The following HMCN1 variants were observed in gnomAD, a reference collection of about 807,000 sequenced individuals.
The protein encoded by HMCN1 is hemicentin-1.
Under a neutral mutation model 625.9 loss-of-function variants are expected in HMCN1, and 321 were observed. That is an observed-to-expected ratio of 0.51 (90% CI 0.47 to 0.56). The LOEUF is 0.56. Among genes scored for constraint, HMCN1 ranks in the 20% least tolerant of loss-of-function variants. HMCN1 has a pLI of 0.00. For synonymous variants in HMCN1, 2,425 were observed against 2,417.6 expected (o/e 1.00, Z -0.09); for missense variants, 6,588 against 6,887.3 (o/e 0.96, Z 1.54).
chr1:185,824,678 A>G (rs796729599), intron 1 of HMCN1, among the ~76,000 whole-genome samples: 5 of 152,250 alleles, frequency 3.3e-5, no homozygotes, highest in African/African-American at 1.2e-4. Context: ...GTATTACTTT[A>G]CATACTCTGT....
rs769982687 is a variant in HMCN1 at position 186,000,183 on chromosome 1, G to A, written c.4013G>A (p.Cys1338Tyr). Reference sequence around the variant, plus strand: ...CCCTATGACAATGGGGAGTACATCTGTGTGGCAGTCAATGAAGCTGGAACC... The same window carrying A: ...CCCTATGACAATGGGGAGTACATCTATGTGGCAGTCAATGAAGCTGGAACC... The part of the protein sequence containing the change: ...VTPYDNGEYI[C>Y]VAVNEAGTTE... The change falls in exon 26 of 107, where the codon TGT becomes TAT. Residue 1338 changes from cysteine to tyrosine, a missense_variant. Physicochemically the swap from Cys to Tyr is radical, Grantham distance 194. Around this residue, in one of 3 missense-constraint regions of HMCN1, gnomAD observed 4,628 missense variants for 4,853.1 expected, o/e 0.95. Transcript: ENST00000271588. 3.1e-6 allele frequency: 5 copies of A among 1,613,106 alleles called. No homozygotes were observed. The highest frequency in any genetic ancestry group is 1.7e-5 in the Admixed American group (1 of 59,864).
intron 1 of HMCN1, among the ~76,000 whole-genome samples, chr1:185,802,912 G>T (rs1476566763): frequency 6.6e-6 from 1 of 151,980 alleles, no homozygotes; most frequent in Non-Finnish European, 1.5e-5. Flanking sequence ...TTGTTTTTGT[G>T]TTTTATAAAT....
chr1:185,740,959 A>G (rs914505900), intron 1 of HMCN1, among the ~76,000 whole-genome samples: 1 of 152,174 alleles, frequency 6.6e-6, no homozygotes, highest in Non-Finnish European at 1.5e-5. Flanking sequence ...GGACCATTGC[A>G]CTCAAGCCTG....
In HMCN1 at chr1:186,187,919, G is replaced by A; in HGVS notation, c.16451G>A (p.Gly5484Glu). Reference protein sequence around the residue: ...DECLEQNVHCGPNRMCFNMRG... With the variant: ...DECLEQNVHCEPNRMCFNMRG... Reference sequence around the variant, plus strand: ...TGTCTGGAGCAGAATGTGCACTGTGGACCCAATCGCATGTGCTTCAACATG... The same window carrying A: ...TGTCTGGAGCAGAATGTGCACTGTGAACCCAATCGCATGTGCTTCAACATG... The change falls in exon 106 of 107, where the codon GGA (glycine) becomes GAA (glutamate). Residue 5484 changes from glycine to glutamate, a missense_variant. By Grantham distance (98) the Gly-to-Glu change is moderately conservative. Around this residue, in one of 3 missense-constraint regions of HMCN1, gnomAD observed 1,954 missense variants for 2,013.1 expected, o/e 0.97. Transcript: ENST00000271588. 1 of 1,613,806 alleles carries A rather than the reference G, an allele frequency of 6.2e-7. No homozygotes were observed. The highest frequency in any genetic ancestry group is 8.5e-7 in the Non-Finnish European group (1 of 1,179,800).
In HMCN1 at chr1:186,087,363, A is replaced by G. The variant is rs766700224; in HGVS notation, c.9160+33A>G. 1.9e-6 allele frequency: 3 copies of G among 1,601,660 alleles called. No homozygotes were observed. The East Asian group carries it at 6.7e-5, about 36-fold the overall frequency. On this transcript the variant is annotated intron_variant, in intron 59 of 106. Coordinates refer to ENST00000271588, the MANE Select transcript of HMCN1 (RefSeq NM_031935.3). Reference sequence around the variant, plus strand: ...TTTACTCTCTTCATAAAATTCTTTTATTTTAAAACTGGTATTCAATATTTT... The same window carrying G: ...TTTACTCTCTTCATAAAATTCTTTTGTTTTAAAACTGGTATTCAATATTTT...
intron 1 of HMCN1, among the ~76,000 whole-genome samples, chr1:185,814,696 AT>A (rs57781378): frequency 0.017 from 2,503 of 145,862 alleles, 240 homozygotes; most frequent in African/African-American, 0.061. Flanking sequence ...ATTATTATTT[AT>A]TTTTTTTTTT....
intron 83 of HMCN1, among the ~76,000 whole-genome samples, chr1:186,129,188 G>A (rs1480020232): frequency 6.3e-5 from 8 of 127,534 alleles, no homozygotes; most frequent in African/African-American, 1.8e-4. Flanking sequence ...TTAATATTCA[G>A]CAGTAAAAGA....
At chr1:186,004,410 A>G (rs1653406082) in intron 29 of HMCN1, among the ~76,000 whole-genome samples, 1 of 152,202 alleles carries the variant, frequency 6.6e-6, no homozygotes, top group Non-Finnish European at 1.5e-5. Context: ...TAAGTAGAAA[A>G]TAGTCAAGAT....
chr1:186,149,338 T>G (rs1650531495), intron 93 of HMCN1, among the ~76,000 whole-genome samples: 1 of 152,226 alleles, frequency 6.6e-6, no homozygotes. Context: ...CTCCAGTTTC[T>G]ACATCAGCAT....
chr1:185,928,459 T>G, intron 9 of HMCN1, 87 bp from the exon 10 acceptor site: 2 of 1,115,118 alleles, frequency 1.8e-6, no homozygotes, highest in East Asian at 2.4e-5. Context: ...TTCTTTTGAA[T>G]GAACCTTCAA....
intron 30 of HMCN1, among the ~76,000 whole-genome samples, chr1:186,012,072 T>A (rs1297736901): frequency 6.6e-6 from 1 of 152,186 alleles, no homozygotes; most frequent in Non-Finnish European, 1.5e-5. Context: ...GATGTTTAAC[T>A]ATATGAGAGC....
At position 186,107,729 on chromosome 1, in the gene HMCN1, T is replaced by C. The variant is rs77372646; in HGVS notation, c.10853-732T>C. Among the ~76,000 whole-genome samples the C allele has an allele frequency of 4.3e-3, 659 of 152,200 alleles. 14 individuals are homozygous for C. The highest frequency in any genetic ancestry group is 0.042 in the South Asian group (200 of 4,812). On this transcript the variant is annotated intron_variant, in intron 70 of 106. Transcript: ENST00000271588. The stretch of plus-strand genomic sequence containing the variant: ...CACATGTTAGCCCATTCCCTTTATT[T>C]TGAGAAATTTCTGTAAGTGCACTTG...
At chr1:186,172,594 G>A (rs1019856397) in intron 102 of HMCN1, among the ~76,000 whole-genome samples, 1 of 152,106 alleles carries the variant, frequency 6.6e-6, no homozygotes, top group Non-Finnish European at 1.5e-5. Context: ...TGCTTTGCCT[G>A]TCTAGTCTAC....
chr1:186,143,355 C>G (rs942443857), intron 89 of HMCN1, among the ~76,000 whole-genome samples: 1 of 152,176 alleles, frequency 6.6e-6, no homozygotes, highest in Non-Finnish European at 1.5e-5. Context: ...AGCTCCATAT[C>G]TAGCAAGTTC....
intron 55 of HMCN1, among the ~76,000 whole-genome samples, chr1:186,078,484 G>A (rs920043757): frequency 6.6e-6 from 1 of 152,114 alleles, no homozygotes; most frequent in African/African-American, 2.4e-5. Flanking sequence ...TCCCAAAATA[G>A]AGCTGGCTAC....
intron 51 of HMCN1, 110 bp from the exon 52 acceptor site, chr1:186,070,502 C>G: frequency 1.1e-6 from 1 of 916,798 alleles, no homozygotes; most frequent in East Asian, 2.4e-5. Context: ...GCATAGAATG[C>G]CTCTGTTATT....
intron 6 of HMCN1, 80 bp downstream of exon 6, chr1:185,911,860 T>A: frequency 2.0e-6 from 2 of 1,017,296 alleles, no homozygotes; most frequent in Non-Finnish European, 3.1e-6. Flanking sequence ...ATGGTTTTTT[T>A]AAACATACAC....
rs771070461 is a variant in HMCN1, at chr1:185,970,415, C to T, written c.2293C>T (p.Leu765=). The change falls in exon 15 of 107, where the codon CTG becomes TTG. Residue 765 remains leucine, a synonymous_variant. Transcript: ENST00000271588. Reference sequence around the variant, plus strand: ...TTTGAAGATTCAAGAAACACAAGATCTGGATGCTGGCGATTATACCTGTGT... The same window carrying T: ...TTTGAAGATTCAAGAAACACAAGATTTGGATGCTGGCGATTATACCTGTGT... The part of the protein sequence containing the change: ...GLLKIQETQD[L]DAGDYTCVAI... The T allele has an allele frequency of 1.4e-5, 22 of 1,613,450 alleles. No individual in the cohort carries two copies. The highest frequency in any genetic ancestry group is 1.9e-5 in the Non-Finnish European group (22 of 1,179,396).
Position 185,865,727 on chromosome 1 carries a change from T to C in HMCN1, c.499-14T>C, listed in dbSNP as rs1663146733. The C allele has an allele frequency of 4.4e-6, 7 of 1,606,828 alleles. No homozygotes were observed. The highest frequency in any genetic ancestry group is 6.0e-6 in the Non-Finnish European group (7 of 1,176,198). Reference sequence around the variant, plus strand: ...AACCCTTTACACTGTTTCTTTTTTTTTTTTTAATCATAGGTCGTATTTGTT... The same window carrying C: ...AACCCTTTACACTGTTTCTTTTTTTCTTTTTAATCATAGGTCGTATTTGTT... On this transcript the variant is annotated splice_polypyrimidine_tract_variant and intron_variant, in intron 3 of 106. Coordinates refer to ENST00000271588, the MANE Select transcript of HMCN1 (RefSeq NM_031935.3).
Sources: allele counts gnomAD v4.1 joint callset (sites outside exome capture counted in the v4.1 genomes callset), GRCh38; gene constraint gnomAD v4.1.1; regional missense constraint gnomAD v4.1.1; transcripts MANE v1.5; gene names NCBI Gene and HGNC (gene_info 2026-07-23, HGNC 2026-07-21).